The following GREB1L variants were observed in gnomAD, a reference collection of about 807,000 sequenced individuals.
The protein encoded by GREB1L is GREB1 like retinoic acid receptor coactivator.
Under a neutral mutation model 200.8 loss-of-function variants are expected in GREB1L, and 17 were observed. The observed-to-expected ratio is 0.08, with a 90% confidence interval of 0.06 to 0.13. GREB1L has a LOEUF of 0.13. Ranked by LOEUF, GREB1L falls within the 10% of genes least tolerant of loss-of-function variation. GREB1L has a pLI of 1.00. For missense variants in GREB1L, 1,657 were observed against 2,367.7 expected, an observed-to-expected ratio of 0.70 and a Z score of 6.23; for synonymous variants, 789 against 893.0, an observed-to-expected ratio of 0.88 and a Z score of 2.08.
rs1210471110 is a variant in GREB1L, at chr18:21,525,313, T to C, written c.*2492T>C. On this transcript the variant is annotated 3_prime_UTR_variant, in exon 33 of 33. Transcript: ENST00000424526. The stretch of plus-strand genomic sequence containing the variant: ...CAAAATTTGGTGAATTTCACTAGTC[T>C]ACCTCACATTTTGTTAATGATTCAA... 2 of 152,244 alleles carry C rather than the reference T, an allele frequency of 1.3e-5. No homozygotes were observed. Among genetic ancestry groups the C allele is most frequent in the Non-Finnish European group, 2.9e-5 (2 of 68,034 alleles). The allele number at this position is 152,244 out of a possible 1,614,324, so 9.4% of individuals were successfully genotyped here.
At chr18:21,296,980 A>C (rs1398483542) in intron 1 of GREB1L, among the ~76,000 whole-genome samples, 1 of 152,140 alleles carries the variant, frequency 6.6e-6, no homozygotes, top group Admixed American at 6.6e-5. Flanking sequence ...TAGCTTGAGC[A>C]TCAGGATTTT....
intron 18 of GREB1L, among the ~76,000 whole-genome samples, chr18:21,489,458 T>C (rs2036248709): frequency 6.6e-6 from 1 of 152,208 alleles, no homozygotes; most frequent in South Asian, 2.1e-4. Context: ...TCGACAGATA[T>C]TACATTAATG....
intron 7 of GREB1L, among the ~76,000 whole-genome samples, chr18:21,404,303 A>C (rs1417114001): frequency 6.6e-6 from 1 of 152,204 alleles, no homozygotes; most frequent in Non-Finnish European, 1.5e-5. Context: ...ATAGCCATCC[A>C]GTGGCAAGTA....
chr18:21,251,421 A>T (rs1409550579), intron 1 of GREB1L, among the ~76,000 whole-genome samples: 2 of 152,236 alleles, frequency 1.3e-5, no homozygotes, highest in East Asian at 3.8e-4. Flanking sequence ...CTTTTAAATT[A>T]TTATACAATA....
chr18:21,440,346 T>G lies in GREB1L; in HGVS notation c.1027T>G (p.Leu343Val). Residue 343 changes from leucine (L) to valine (V), a missense_variant, in exon 9 of 33, where the codon TTA becomes GTA. Leu to Val is a conservative substitution (Grantham distance 32). This residue lies in a region of GREB1L where 289 missense variants were observed against 345.1 expected (regional missense o/e 0.84). Coordinates refer to ENST00000424526, the MANE Select transcript of GREB1L (RefSeq NM_001142966.3). ...YPGSPLPQPG[L>V]VVPVPTVRPL... ...TGGGTCACCTCTCCCCCAACCTGGC[T>G]TAGTTGTACCTGTCCCTACAGTTCG... 6.4e-7 allele frequency: 1 copy of G among 1,551,800 alleles called. No homozygotes were observed. The highest frequency in any genetic ancestry group is 8.7e-7 in the Non-Finnish European group (1 of 1,146,812).
chr18:21,352,306 G>A (rs139033293), intron 1 of GREB1L, among the ~76,000 whole-genome samples: 2 of 152,206 alleles, frequency 1.3e-5, no homozygotes, highest in Non-Finnish European at 2.9e-5. Context: ...ACCTACTGAT[G>A]TGAAAAGGTA....
At chr18:21,306,790 G>A (rs2038708514) in intron 1 of GREB1L, among the ~76,000 whole-genome samples, 1 of 152,180 alleles carries the variant, frequency 6.6e-6, no homozygotes, top group African/African-American at 2.4e-5. Flanking sequence ...TACAAATGAA[G>A]CATAATAAAT....
rs146568932 is a variant in GREB1L at position 21,321,296 on chromosome 18, A to C, written c.-119-44731A>C. Among the ~76,000 whole-genome samples, 1,194 of 152,246 alleles carry C rather than the reference A, an allele frequency of 7.8e-3. 27 individuals carry two copies. The highest frequency in any genetic ancestry group is 0.028 in the African/African-American group (1,147 of 41,544). On this transcript the variant is annotated intron_variant, in intron 1 of 32. Coordinates refer to ENST00000424526, the MANE Select transcript of GREB1L (RefSeq NM_001142966.3). The stretch of plus-strand genomic sequence containing the variant: ...GGCGACAGAAGTCTCAAAAAATAAA[A>C]TTAAATAAATAAAATAAAATCTTAA...
chr18:21,258,967 A>ATT (rs2037846209), intron 1 of GREB1L, among the ~76,000 whole-genome samples: 1 of 152,180 alleles, frequency 6.6e-6, no homozygotes, highest in African/African-American at 2.4e-5. Context: ...AAAATGTGAC[A>ATT]TTTCCTGTAC....
At chr18:21,379,554 A>G (rs1357236739) in intron 2 of GREB1L, among the ~76,000 whole-genome samples, 2 of 152,204 alleles carry the variant, frequency 1.3e-5, no homozygotes, top group Non-Finnish European at 2.9e-5. Flanking sequence ...TGGAGTGGTA[A>G]TAGATTAAGA....
chr18:21,394,864 G>A (rs1175004196), intron 4 of GREB1L, among the ~76,000 whole-genome samples: 1 of 151,034 alleles, frequency 6.6e-6, no homozygotes, highest in Admixed American at 6.6e-5. Flanking sequence ...GTGAGGCCAA[G>A]GTGGGTGGAT....
chr18:21,287,132 T>C (rs1396170305), intron 1 of GREB1L, among the ~76,000 whole-genome samples: 1 of 152,146 alleles, frequency 6.6e-6, no homozygotes, highest in African/African-American at 2.4e-5. Flanking sequence ...AGTAGAGCAA[T>C]TATATAGGAA....
Position 21,524,227 on chromosome 18 carries a change from AAT to A in GREB1L, c.*1408_*1409del, listed in dbSNP as rs1446483691. The A allele has an allele frequency of 6.6e-6, 1 of 152,210 alleles. No homozygotes were observed. The highest frequency in any genetic ancestry group is 2.4e-5 in the African/African-American group (1 of 41,464). The allele number at this position is 152,210 out of a possible 1,614,324, so 9.4% of individuals were successfully genotyped here. On this transcript the variant is annotated 3_prime_UTR_variant, in exon 33 of 33. Transcript: ENST00000424526. ...ACTAAGCCTGCATTTACTTAGAACA[AAT>A]AGTGTTAATTGACCAGCTTTATTAT...
intron 2 of GREB1L, among the ~76,000 whole-genome samples, chr18:21,381,997 C>T (rs2040334374): frequency 6.6e-6 from 1 of 152,118 alleles, no homozygotes; most frequent in African/African-American, 2.4e-5. Context: ...TGAACCAGCT[C>T]CTACAAGCCT....
At chr18:21,429,812 T>G (rs2032998266) in intron 7 of GREB1L, among the ~76,000 whole-genome samples, 1 of 152,208 alleles carries the variant, frequency 6.6e-6, no homozygotes, top group African/African-American at 2.4e-5. Flanking sequence ...AATTACCTAA[T>G]TAGATTTATC....
intron 7 of GREB1L, among the ~76,000 whole-genome samples, chr18:21,425,800 C>T (rs779087059): frequency 2.4e-4 from 37 of 152,030 alleles, no homozygotes; most frequent in Middle Eastern, 3.2e-3. Flanking sequence ...ATATCATATA[C>T]GTGATTTTCA....
At chr18:21,380,260 T>C (rs1311519025) in intron 2 of GREB1L, 1 of 152,202 alleles carries the variant, frequency 6.6e-6, no homozygotes, top group Non-Finnish European at 1.5e-5. Context: ...TCTGCAGAGC[T>C]TTAGTGTGTG....
At chr18:21,262,371 C>G (rs2037902925) in intron 1 of GREB1L, among the ~76,000 whole-genome samples, 1 of 152,112 alleles carries the variant, frequency 6.6e-6, no homozygotes, top group African/African-American at 2.4e-5. Flanking sequence ...AATTCTTTCT[C>G]TGTTTTGAAT....
At chr18:21,254,132 C>T (rs2037762172) in intron 1 of GREB1L, among the ~76,000 whole-genome samples, 5 of 133,332 alleles carry the variant, frequency 3.8e-5, no homozygotes, top group Admixed American at 3.5e-4. Context: ...TGCAGTGGTA[C>T]GATCTTGACT....
Sources: gnomAD v4.1 joint callset for allele counts (sites outside exome capture counted in the v4.1 genomes callset) on GRCh38, gnomAD v4.1.1 for gene constraint, gnomAD v4.1.1 regional missense constraint, MANE v1.5 for transcripts, NCBI Gene and HGNC (gene_info 2026-07-23, HGNC 2026-07-21) for gene names.